Variants in KCTD1 observed in about 807,000 individuals in gnomAD.
The protein encoded by KCTD1 is BTB/POZ domain-containing protein KCTD1.
A neutral mutation model predicts 66.0 loss-of-function variants in KCTD1; 24 were observed. The ratio of observed to expected loss-of-function variants is 0.36; its 90% confidence interval spans 0.26 to 0.51. The LOEUF (loss-of-function observed/expected upper bound fraction) is 0.51. KCTD1 is among the 20% of genes least tolerant of loss of function. The pLI is 0.95. For synonymous variants in KCTD1, 511 were observed against 517.2 expected, an observed-to-expected ratio of 0.99 and a Z score of 0.16; for missense variants, 943 against 1,205.2, an observed-to-expected ratio of 0.78 and a Z score of 3.22.
chr18:26,593,556 G>GGAGAAGGAAGACA (rs1986680814), intron 1 of KCTD1, among the ~76,000 whole-genome samples: 2 of 142,114 alleles, frequency 1.4e-5, no homozygotes, highest in Non-Finnish European at 3.1e-5. Flanking sequence ...AGACGAGGAG[G>GGAGAAGGAAGACA]AGGAGGAGGA....
intron 1 of KCTD1, among the ~76,000 whole-genome samples, chr18:26,592,001 C>A (rs1018137431): frequency 6.6e-6 from 1 of 152,142 alleles, no homozygotes; most frequent in Non-Finnish European, 1.5e-5. Flanking sequence ...ATAAATCATG[C>A]ACTGTCTAGT....
intron 2 of KCTD1, among the ~76,000 whole-genome samples, chr18:26,492,504 G>A (rs1212447349): frequency 6.6e-6 from 1 of 152,046 alleles, no homozygotes; most frequent in Non-Finnish European, 1.5e-5. Context: ...GTGGTGGTGT[G>A]TGCCTGTAGT....
chr18:26,614,304 C>A (rs1485029938), intron 1 of KCTD1, among the ~76,000 whole-genome samples: 1 of 152,228 alleles, frequency 6.6e-6, no homozygotes, highest in Non-Finnish European at 1.5e-5. Flanking sequence ...GAGGGAGGAG[C>A]TATGATGTGA....
chr18:26,626,227 C>A (rs1176660355), intron 1 of KCTD1, among the ~76,000 whole-genome samples: 3 of 151,778 alleles, frequency 2.0e-5, no homozygotes, highest in Non-Finnish European at 4.4e-5. Context: ...TGCTTGCAAT[C>A]AAGAGCATCC....
At chr18:26,497,343 G>A (rs982264892) in intron 2 of KCTD1, among the ~76,000 whole-genome samples, 1 of 152,094 alleles carries the variant, frequency 6.6e-6, no homozygotes, top group Non-Finnish European at 1.5e-5. Flanking sequence ...ATCCAAGAGG[G>A]TGGGGCAGAG....
chr18:26,557,025 G>T (rs75771845), intron 1 of KCTD1, among the ~76,000 whole-genome samples: 1,956 of 152,260 alleles, frequency 0.013, 44 homozygotes, highest in African/African-American at 0.045. Context: ...AGGAAGGAAA[G>T]AAGGGTCTCT....
intron 1 of KCTD1, among the ~76,000 whole-genome samples, chr18:26,591,987 G>A (rs1314178163): frequency 6.6e-6 from 1 of 152,102 alleles, no homozygotes; most frequent in East Asian, 1.9e-4. Context: ...TTTAACATTA[G>A]AGCATAAATC....
chr18:26,628,197 C>A (rs1987543905), intron 1 of KCTD1, among the ~76,000 whole-genome samples: 1 of 152,052 alleles, frequency 6.6e-6, no homozygotes, highest in African/African-American at 2.4e-5. Context: ...TTATATAAGC[C>A]TTTGGACCTC....
At chr18:26,470,175 G>A (rs778102095) in intron 3 of KCTD1, among the ~76,000 whole-genome samples, 3 of 152,134 alleles carry the variant, frequency 2.0e-5, no homozygotes, top group Non-Finnish European at 4.4e-5. Context: ...TATGTGGCAG[G>A]TGCTGAGCAT....
chr18:26,496,000 C>T (rs1276739476), intron 2 of KCTD1, among the ~76,000 whole-genome samples: 3 of 151,974 alleles, frequency 2.0e-5, no homozygotes, highest in Non-Finnish European at 2.9e-5. Flanking sequence ...AGAAATTGAA[C>T]GTATTTTCAT....
At chr18:26,495,243 C>A (rs1982408460) in intron 2 of KCTD1, among the ~76,000 whole-genome samples, 1 of 152,140 alleles carries the variant, frequency 6.6e-6, no homozygotes, top group Non-Finnish European at 1.5e-5. Context: ...ATCCCCAACC[C>A]TAATACAGGA....
intron 1 of KCTD1, among the ~76,000 whole-genome samples, chr18:26,582,108 A>G (rs1007852873): frequency 1.4e-5 from 2 of 138,078 alleles, no homozygotes; most frequent in Non-Finnish European, 3.1e-5. Flanking sequence ...TCTCTACCAA[A>G]AAAAAAAAAA....
chr18:26,525,750 G>GT (rs1984128584), intron 1 of KCTD1, among the ~76,000 whole-genome samples: 1 of 152,110 alleles, frequency 6.6e-6, no homozygotes, highest in African/African-American at 2.4e-5. Flanking sequence ...GAGACAGGGT[G>GT]TTGCTCTGTC....
intron 2 of KCTD1, among the ~76,000 whole-genome samples, chr18:26,483,753 G>T (rs1468522309): frequency 1.3e-5 from 2 of 152,192 alleles, no homozygotes; most frequent in Admixed American, 6.5e-5. Flanking sequence ...GGAGATGTGT[G>T]TGTGTGTGTG....
Position 26,476,965 on chromosome 18 carries a change from G to A in KCTD1, c.1989-306C>T, listed in dbSNP as rs908106039. 1.3e-5 allele frequency: 3 copies of A among 235,834 alleles called. No homozygotes were observed. Among genetic ancestry groups the A allele is most frequent in the Admixed American group, 5.8e-5 (1 of 17,290 alleles). The allele number at this position is 235,834 out of a possible 1,614,324, so 14.6% of individuals were successfully genotyped here. The stretch of plus-strand genomic sequence containing the variant: ...GTAATGGAAGATCACATCTTTCCCC[G>A]TGTTACTTAAAACAAGCATCCCTGA... On this transcript the variant is annotated intron_variant, in intron 2 of 4. Coordinates refer to ENST00000580059, the MANE Select transcript of KCTD1 (RefSeq NM_001142730.3). This position sits in a 1 kb window ranked among gnomAD's most constrained non-coding sequence, Gnocchi z 4.9.
At chr18:26,550,557 G>GACACATAGACAC, upstream of KCTD1, among the ~76,000 whole-genome samples, 1 of 83,682 alleles carries the variant, frequency 1.2e-5, no homozygotes, top group African/African-American at 6.0e-5. The surrounding 1 kb of genome is among the most constrained non-coding windows in gnomAD (Gnocchi z 5.4). Flanking sequence ...GGAAACACAA[G>GACACATAGACAC]ACACACAGAC....
intron 1 of KCTD1, among the ~76,000 whole-genome samples, chr18:26,610,302 G>T (rs1987105822): frequency 6.6e-6 from 1 of 152,100 alleles, no homozygotes; most frequent in Non-Finnish European, 1.5e-5. Flanking sequence ...GCCAGGCATG[G>T]TGGCTCATGC....
chr18:26,509,390 A>C (rs1262596115), intron 1 of KCTD1, among the ~76,000 whole-genome samples: 1 of 151,798 alleles, frequency 6.6e-6, no homozygotes, highest in Non-Finnish European at 1.5e-5. Flanking sequence ...GAATATAATA[A>C]AATTTTTTTT....
At chr18:26,559,677 A>T (rs1332289488) in intron 1 of KCTD1, among the ~76,000 whole-genome samples, 2 of 152,180 alleles carry the variant, frequency 1.3e-5, no homozygotes, top group Non-Finnish European at 2.9e-5. Context: ...GGGGGTTCAG[A>T]ATCTTTTTTA....
Sources: gnomAD v4.1 joint callset for allele counts (sites outside exome capture counted in the v4.1 genomes callset) on GRCh38, gnomAD v4.1.1 for gene constraint, Gnocchi (gnomAD v3.1) non-coding constraint, MANE v1.5 for transcripts, NCBI Gene and HGNC (gene_info 2026-07-23, HGNC 2026-07-21) for gene names.